TMEM178A: variants seen among roughly 807,000 people sequenced by gnomAD.
TMEM178A encodes the protein transmembrane protein 178.
In TMEM178A, 12 loss-of-function variants were observed where a neutral mutation model predicts 29.1. The ratio of observed to expected loss-of-function variants is 0.41; its 90% CI spans 0.26 to 0.67. The LOEUF (loss-of-function observed/expected upper bound fraction) is 0.67, where lower values mean the gene tolerates loss of function less well. TMEM178A is among the 30% of genes least tolerant of loss of function. TMEM178A has a pLI of 0.29. For missense variants in TMEM178A, 366 were observed against 419.1 expected (o/e 0.87, Z 1.11); for synonymous variants, 210 against 187.2 (o/e 1.12, Z -0.99).
At chr2:39,729,559 C>G in the TMEM178A span, among the ~76,000 whole-genome samples, 1 of 152,272 alleles carries the variant, frequency 6.6e-6, no homozygotes, top group South Asian at 2.1e-4. Context: ...TCCAACCAAC[C>G]AATATTCGCA....
chr2:39,677,444 T>C (rs993827154), intron 1 of TMEM178A, among the ~76,000 whole-genome samples: 1 of 152,196 alleles, frequency 6.6e-6, no homozygotes, highest in African/African-American at 2.4e-5. Flanking sequence ...CACTCCTTGC[T>C]ATTGCCAGTG....
chr2:39,696,354 G>C (rs1293496124), intron 1 of TMEM178A, among the ~76,000 whole-genome samples: 2 of 152,126 alleles, frequency 1.3e-5, no homozygotes. Context: ...GCAGACTCCT[G>C]GTGTGTGGCA....
At chr2:39,683,860 G>A (rs1670967302) in intron 1 of TMEM178A, among the ~76,000 whole-genome samples, 1 of 152,164 alleles carries the variant, frequency 6.6e-6, no homozygotes, top group Non-Finnish European at 1.5e-5. Context: ...TTGAGATCAG[G>A]CTTCTGGAAT....
intron 3 of TMEM178A, among the ~76,000 whole-genome samples, chr2:39,708,891 G>A (rs1672179479): frequency 6.6e-6 from 1 of 152,122 alleles, no homozygotes; most frequent in Admixed American, 6.5e-5. Context: ...CTCCTTCACA[G>A]AAAACTCGTG....
chr2:39,706,518 G>A (rs1672041634), intron 2 of TMEM178A, among the ~76,000 whole-genome samples: 1 of 152,136 alleles, frequency 6.6e-6, no homozygotes, highest in African/African-American at 2.4e-5. Flanking sequence ...GTAAATAATT[G>A]GCATCTGTGG....
the TMEM178A span, among the ~76,000 whole-genome samples, chr2:39,728,565 A>C: frequency 6.6e-6 from 1 of 152,178 alleles, no homozygotes; most frequent in Non-Finnish European, 1.5e-5. Flanking sequence ...AATTTTCATA[A>C]ATTTTCAAAA....
chr2:39,731,700 C>T, the TMEM178A span, among the ~76,000 whole-genome samples: 1 of 152,200 alleles, frequency 6.6e-6, no homozygotes, highest in Non-Finnish European at 1.5e-5. Context: ...GGAGGACAAA[C>T]TCAAGCTACA....
chr2:39,727,610 A>C, the TMEM178A span, among the ~76,000 whole-genome samples: 4 of 152,170 alleles, frequency 2.6e-5, no homozygotes, highest in East Asian at 7.7e-4. Context: ...GTACATGTGC[A>C]CAATGTGCAG....
At chr2:39,698,660 G>C (rs527384466) in intron 1 of TMEM178A, among the ~76,000 whole-genome samples, 1 of 151,096 alleles carries the variant, frequency 6.6e-6, no homozygotes, top group Non-Finnish European at 1.5e-5. Flanking sequence ...GGTAATAATG[G>C]CCTCATAGAA....
chr2:39,669,500 C>A (rs954903896), intron 1 of TMEM178A, among the ~76,000 whole-genome samples: 5 of 152,066 alleles, frequency 3.3e-5, no homozygotes, highest in African/African-American at 9.7e-5. Context: ...CTCAATGGGA[C>A]AAGTATTTGG....
downstream of TMEM178A, among the ~76,000 whole-genome samples, chr2:39,721,336 A>G (rs1471538971): frequency 6.6e-6 from 1 of 152,230 alleles, no homozygotes; most frequent in African/African-American, 2.4e-5. Flanking sequence ...AAAACATTAG[A>G]ATATGTCTGC....
At position 39,704,130 on chromosome 2, in the gene TMEM178A, C is replaced by T; in HGVS notation, c.450C>T (p.Ile150=). The change falls in exon 2 of 4, where the codon ATC becomes ATT. Residue 150 remains isoleucine (I), a synonymous_variant. Transcript: ENST00000281961. ...TCAAGTACCACTTTTCTCAGCCCATCCGCTTGCGAAACATTCCTTTTAATT... is the reference window on the plus strand; with the variant it reads ...TCAAGTACCACTTTTCTCAGCCCATTCGCTTGCGAAACATTCCTTTTAATT... The part of the protein sequence containing the change: ...TAIKYHFSQP[I]RLRNIPFNLT... 6.2e-7 allele frequency: 1 copy of T among 1,614,146 alleles called. No homozygotes were observed. Among genetic ancestry groups the T allele is most frequent in the Non-Finnish European group, 8.5e-7 (1 of 1,180,010 alleles).
the TMEM178A span, among the ~76,000 whole-genome samples, chr2:39,723,980 T>C: frequency 1.6e-4 from 25 of 152,250 alleles, no homozygotes; most frequent in Non-Finnish European, 2.9e-4. Context: ...TCTATATTTC[T>C]AAGCCAGAGC....
the TMEM178A span, among the ~76,000 whole-genome samples, chr2:39,725,334 G>C: frequency 6.6e-6 from 1 of 152,116 alleles, no homozygotes. Context: ...TTAGCCTGTG[G>C]GTCTGCGATA....
At chr2:39,723,628 T>C in the TMEM178A span, among the ~76,000 whole-genome samples, 1 of 152,166 alleles carries the variant, frequency 6.6e-6, no homozygotes, top group Non-Finnish European at 1.5e-5. Flanking sequence ...ACTGCCTCAG[T>C]ACCTCCTCAG....
the TMEM178A span, among the ~76,000 whole-genome samples, chr2:39,725,708 G>T: frequency 1.3e-5 from 2 of 152,174 alleles, no homozygotes; most frequent in South Asian, 4.1e-4. Flanking sequence ...GTGATCCCTG[G>T]TCTGTGAAGC....
At chr2:39,667,026 T>TGGCTGGCGGA (rs1558438720) in intron 1 of TMEM178A, among the ~76,000 whole-genome samples, 1 of 152,180 alleles carries the variant, frequency 6.6e-6, no homozygotes, top group Non-Finnish European at 1.5e-5. Context: ...GACCAATCGT[T>TGGCTGGCGGA]GGCTGGTGGA....
At chr2:39,691,890 C>T (rs900653309) in intron 1 of TMEM178A, among the ~76,000 whole-genome samples, 6 of 151,488 alleles carry the variant, frequency 4.0e-5, no homozygotes, top group African/African-American at 1.5e-4. Flanking sequence ...AGCATACACA[C>T]ATATATAATG....
chr2:39,679,934 G>A (rs1670796215), intron 1 of TMEM178A, among the ~76,000 whole-genome samples: 1 of 152,088 alleles, frequency 6.6e-6, no homozygotes, highest in Non-Finnish European at 1.5e-5. Context: ...GCTGAAAAAA[G>A]CCTGGAGAAT....
Sources: allele counts gnomAD v4.1 joint callset (sites outside exome capture counted in the v4.1 genomes callset), GRCh38; gene constraint gnomAD v4.1.1; transcripts MANE v1.5; gene names NCBI Gene and HGNC (gene_info 2026-07-23, HGNC 2026-07-21).